The following GRM5 variants were observed in gnomAD, a reference collection of about 807,000 sequenced individuals.
The protein encoded by GRM5 is metabotropic glutamate receptor 5.
GRM5 carries 19 observed loss-of-function variants against 83.1 expected under a neutral mutation model. The ratio of observed to expected loss-of-function variants is 0.23; its 90% confidence interval spans 0.16 to 0.34. The LOEUF (loss-of-function observed/expected upper bound fraction) is 0.34. GRM5 is among the 10% of genes least tolerant of loss of function. The probability of loss-of-function intolerance (pLI) is 1.00; values close to 1 mark genes in which losing one functional copy is unlikely to be tolerated. For synonymous variants in GRM5, 675 were observed against 633.6 expected (o/e 1.07, Z -0.98); for missense variants, 1,160 against 1,588.3 (o/e 0.73, Z 4.58).
chr11:88,921,416 G>T (rs1205223215), intron 2 of GRM5, among the ~76,000 whole-genome samples: 1 of 152,182 alleles, frequency 6.6e-6, no homozygotes, highest in East Asian at 1.9e-4. Flanking sequence ...AAGGTTAGGA[G>T]ATTGAGACCA....
chr11:88,831,305 G>A (rs1393476965), intron 3 of GRM5, among the ~76,000 whole-genome samples: 5 of 152,212 alleles, frequency 3.3e-5, no homozygotes, highest in Non-Finnish European at 7.3e-5. Flanking sequence ...GGGCCATCAT[G>A]CATTTAAAAG....
At chr11:88,951,825 CTG>C (rs956215725) in intron 2 of GRM5, among the ~76,000 whole-genome samples, 31 of 152,234 alleles carry the variant, frequency 2.0e-4, no homozygotes, top group African/African-American at 7.0e-4. Flanking sequence ...GCATGGATGT[CTG>C]TTTGCATGTG....
chr11:88,654,315 A>G (rs1490684204), intron 3 of GRM5, among the ~76,000 whole-genome samples: 1 of 152,100 alleles, frequency 6.6e-6, no homozygotes, highest in Non-Finnish European at 1.5e-5. Context: ...AATAAAAATA[A>G]AAGGCATGAA....
At position 88,567,640 on chromosome 11, in the gene GRM5, A is replaced by G; in HGVS notation, c.2043T>C (p.Cys681=). The change falls in exon 8 of 10, where the codon TGT becomes TGC. Residue 681 remains cysteine, a synonymous_variant. Coordinates refer to ENST00000305447, the MANE Select transcript of GRM5 (RefSeq NM_001143831.3). The surrounding 1 kb of genome is among the most constrained non-coding windows in gnomAD (Gnocchi z 7.3). ...CACTCATGAATCTGGGCTTTTTGGT[A>G]CAGATCTTCTTCTTGCTGCCAGCCA... ...RILAGSKKKI[C]TKKPRFMSAC... is the part of the protein sequence containing the mutation. 1 of 1,614,094 alleles carries G rather than the reference A, an allele frequency of 6.2e-7. No individual in the cohort carries two copies. The highest frequency in any genetic ancestry group is 8.5e-7 in the Non-Finnish European group (1 of 1,179,944).
At chr11:88,690,814 T>C (rs1336295412) in intron 3 of GRM5, among the ~76,000 whole-genome samples, 1 of 152,226 alleles carries the variant, frequency 6.6e-6, no homozygotes, top group African/African-American at 2.4e-5. Context: ...AGGTACAACC[T>C]GCACTGAGAA....
At chr11:88,600,278 T>TTCTCCCTCTCCC (rs145617057) in intron 5 of GRM5, among the ~76,000 whole-genome samples, 31 of 138,660 alleles carry the variant, frequency 2.2e-4, no homozygotes, top group Admixed American at 1.5e-3. Context: ...CTCCTGCTCC[T>TTCTCCCTCTCCC]TCTCCCTCTC....
At chr11:88,954,974 C>A (rs946622779) in intron 2 of GRM5, among the ~76,000 whole-genome samples, 28 of 152,178 alleles carry the variant, frequency 1.8e-4, no homozygotes, top group African/African-American at 2.4e-5. Flanking sequence ...TAATAAAATA[C>A]ATGGGGATAC....
intron 3 of GRM5, among the ~76,000 whole-genome samples, chr11:88,695,717 T>C (rs1432021858): frequency 6.6e-6 from 1 of 152,200 alleles, no homozygotes; most frequent in African/African-American, 2.4e-5. Context: ...TTGGTAGTTG[T>C]GTTATTGAAA....
chr11:88,662,228 A>G (rs1391880), intron 3 of GRM5, among the ~76,000 whole-genome samples: 32,534 of 152,100 alleles, frequency 0.21, 4,419 homozygotes, highest in Non-Finnish European at 0.3. Context: ...AGGAAATCTG[A>G]GGGATTAAAT....
chr11:88,897,882 C>T (rs1242232853), intron 2 of GRM5, among the ~76,000 whole-genome samples: 1 of 151,898 alleles, frequency 6.6e-6, no homozygotes, highest in Non-Finnish European at 1.5e-5. Flanking sequence ...AACATGTAAG[C>T]TTTGGAACCA....
At chr11:88,766,026 C>T (rs912830824) in intron 3 of GRM5, among the ~76,000 whole-genome samples, 2 of 151,582 alleles carry the variant, frequency 1.3e-5, no homozygotes, top group African/African-American at 4.8e-5. Context: ...AGGCAAAGAA[C>T]TTGAATAGAG....
intron 2 of GRM5, among the ~76,000 whole-genome samples, chr11:89,001,333 T>C (rs1022168219): frequency 1.8e-4 from 27 of 152,174 alleles, no homozygotes; most frequent in African/African-American, 4.6e-4. Flanking sequence ...CATCCTTCAA[T>C]TGGTCAATGT....
chr11:88,794,479 G>A (rs1943236984), intron 3 of GRM5, among the ~76,000 whole-genome samples: 1 of 152,046 alleles, frequency 6.6e-6, no homozygotes, highest in African/African-American at 2.4e-5. Context: ...AATAAATTAT[G>A]TGTTTTTATT....
intron 3 of GRM5, among the ~76,000 whole-genome samples, chr11:88,699,648 A>T (rs1940982798): frequency 6.6e-6 from 1 of 152,218 alleles, no homozygotes; most frequent in African/African-American, 2.4e-5. Context: ...TCAAATAGAG[A>T]CAACTCTGGA....
chr11:88,530,174 T>C (rs1385152432), intron 8 of GRM5, among the ~76,000 whole-genome samples: 1 of 152,018 alleles, frequency 6.6e-6, no homozygotes, highest in Non-Finnish European at 1.5e-5. Context: ...TTTATAACAC[T>C]GTTAGTGTAA....
chr11:88,814,919 C>G (rs952817454), intron 3 of GRM5, among the ~76,000 whole-genome samples: 1 of 152,058 alleles, frequency 6.6e-6, no homozygotes, highest in Admixed American at 6.6e-5. Context: ...AATAATAGGT[C>G]TGTAAAATAC....
At chr11:88,581,781 G>A (rs557339439) in intron 7 of GRM5, among the ~76,000 whole-genome samples, 4 of 152,288 alleles carry the variant, frequency 2.6e-5, no homozygotes, top group South Asian at 2.1e-4. Context: ...AAAAGCGACC[G>A]TGAAATGGTG....
At chr11:88,815,632 C>T (rs901861978) in intron 3 of GRM5, among the ~76,000 whole-genome samples, 1 of 152,076 alleles carries the variant, frequency 6.6e-6, no homozygotes, top group African/African-American at 2.4e-5. Flanking sequence ...AGAAGGGAAG[C>T]TTGTATGTGC....
At chr11:88,816,538 C>CAAAAAAAAAA (rs777360398) in intron 3 of GRM5, among the ~76,000 whole-genome samples, 2 of 69,820 alleles carry the variant, frequency 2.9e-5, no homozygotes, top group Non-Finnish European at 6.7e-5. Flanking sequence ...GACTCCATCT[C>CAAAAAAAAAA]AAAAAAAAAA....
Sources: gnomAD v4.1 joint callset for allele counts (sites outside exome capture counted in the v4.1 genomes callset) on GRCh38, gnomAD v4.1.1 for gene constraint, Gnocchi (gnomAD v3.1) non-coding constraint, MANE v1.5 for transcripts, NCBI Gene and HGNC (gene_info 2026-07-23, HGNC 2026-07-21) for gene names.